Variants in TTC27 observed in about 807,000 individuals in gnomAD.
TTC27 encodes the protein tetratricopeptide repeat domain 27.
Under a neutral mutation model 115.9 loss-of-function variants are expected in TTC27, and 79 were observed. The ratio of observed to expected loss-of-function variants is 0.68; its 90% confidence interval spans 0.57 to 0.82. The LOEUF is 0.82. Among genes scored for constraint, TTC27 ranks in the 40% least tolerant of loss-of-function variants. The pLI is 0.00. For synonymous variants in TTC27, 401 were observed against 356.0 expected, an observed-to-expected ratio of 1.13 and a Z score of -1.42; for missense variants, 1,054 against 993.1, an observed-to-expected ratio of 1.06 and a Z score of -0.82.
chr2:32,717,817 A>G (rs1258219866), intron 10 of TTC27, among the ~76,000 whole-genome samples: 1 of 151,660 alleles, frequency 6.6e-6, no homozygotes, highest in East Asian at 1.9e-4. Flanking sequence ...ATTTTTTAGA[A>G]TTTTCTCTTT....
At chr2:32,796,263 C>T (rs1670699346) in intron 16 of TTC27, among the ~76,000 whole-genome samples, 1 of 151,880 alleles carries the variant, frequency 6.6e-6, no homozygotes, top group African/African-American at 2.4e-5. Context: ...AATCTTGGAC[C>T]ACAAAAACTA....
chr2:32,641,938 C>G (rs949067930), intron 4 of TTC27, among the ~76,000 whole-genome samples: 1 of 152,232 alleles, frequency 6.6e-6, no homozygotes, highest in Non-Finnish European at 1.5e-5. Context: ...TCACTGCAAG[C>G]TCCACCTCCT....
intron 13 of TTC27, among the ~76,000 whole-genome samples, chr2:32,767,371 T>C (rs1669664899): frequency 6.6e-6 from 1 of 151,992 alleles, no homozygotes; most frequent in Non-Finnish European, 1.5e-5. Context: ...ATATATTTTG[T>C]CTTGTTAAAA....
At chr2:32,798,704 C>CAAAAAAAAA (rs1168987401) in intron 16 of TTC27, among the ~76,000 whole-genome samples, 14 of 121,172 alleles carry the variant, frequency 1.2e-4, no homozygotes, top group African/African-American at 3.5e-4. Context: ...GACTCCAGCT[C>CAAAAAAAAA]AAAAAAAAAA....
At chr2:32,761,704 A>G (rs1226487738) in intron 13 of TTC27, among the ~76,000 whole-genome samples, 1 of 152,142 alleles carries the variant, frequency 6.6e-6, no homozygotes, top group Non-Finnish European at 1.5e-5. Context: ...GGGGCCTTCC[A>G]TGATCATTCT....
At chr2:32,813,374 G>C (rs1452970508) in intron 18 of TTC27, among the ~76,000 whole-genome samples, 1 of 152,154 alleles carries the variant, frequency 6.6e-6, no homozygotes, top group Admixed American at 6.5e-5. Context: ...AGCAAACAAG[G>C]AAGAATGCAA....
intron 4 of TTC27, among the ~76,000 whole-genome samples, chr2:32,644,575 G>A (rs1427173232): frequency 6.6e-6 from 1 of 151,852 alleles, no homozygotes; most frequent in African/African-American, 2.4e-5. Flanking sequence ...ATTTTGTGCT[G>A]AAATTTTGCC....
intron 14 of TTC27, among the ~76,000 whole-genome samples, chr2:32,781,428 A>AT (rs201352114): frequency 0.039 from 5,989 of 151,898 alleles, 283 homozygotes; most frequent in African/African-American, 0.11. Flanking sequence ...CATGTCCGCC[A>AT]TTTTTTAAAA....
chr2:32,695,253 C>T (rs961766806), intron 9 of TTC27, among the ~76,000 whole-genome samples: 4 of 152,010 alleles, frequency 2.6e-5, no homozygotes, highest in African/African-American at 4.8e-5. Flanking sequence ...AGTTTGACTA[C>T]TCTAGGTACC....
chr2:32,767,579 A>G (rs1028896980), intron 13 of TTC27, among the ~76,000 whole-genome samples: 2 of 149,168 alleles, frequency 1.3e-5, no homozygotes, highest in African/African-American at 5.0e-5. Context: ...CTCCTGCCTC[A>G]GCCTCCCGAG....
intron 13 of TTC27, among the ~76,000 whole-genome samples, chr2:32,760,935 C>A (rs1368629166): frequency 6.6e-6 from 1 of 152,188 alleles, no homozygotes; most frequent in African/African-American, 2.4e-5. Flanking sequence ...AGGCTTAGTC[C>A]TTGGACCTTG....
intron 5 of TTC27, among the ~76,000 whole-genome samples, chr2:32,653,607 C>CAA (rs548978296): frequency 2.2e-5 from 3 of 135,322 alleles, no homozygotes; most frequent in Admixed American, 1.5e-4. Flanking sequence ...AAAAAAAAAA[C>CAA]AAAAAAAAAA....
At chr2:32,785,582 A>G (rs1463772933) in intron 15 of TTC27, among the ~76,000 whole-genome samples, 1 of 151,758 alleles carries the variant, frequency 6.6e-6, no homozygotes, top group East Asian at 1.9e-4. Context: ...TTTGTTAGCT[A>G]TTGAGGGTTT....
chr2:32,651,103 A>G (rs1665106989), intron 5 of TTC27, among the ~76,000 whole-genome samples: 1 of 152,202 alleles, frequency 6.6e-6, no homozygotes, highest in Non-Finnish European at 1.5e-5. Context: ...TTTGAGTTAC[A>G]GAGACGGGAT....
chr2:32,717,169 C>A (rs1667781148), intron 10 of TTC27, among the ~76,000 whole-genome samples: 1 of 152,036 alleles, frequency 6.6e-6, no homozygotes, highest in Middle Eastern at 3.4e-3. Flanking sequence ...AGACAGGGTC[C>A]TACTACATTG....
intron 5 of TTC27, among the ~76,000 whole-genome samples, chr2:32,651,729 C>T (rs189143641): frequency 2.7e-3 from 418 of 152,228 alleles, no homozygotes; most frequent in African/African-American, 8.4e-3. Context: ...TATTCCTAAG[C>T]CAGGTGAGTG....
chr2:32,668,647 C>T (rs943219474), intron 7 of TTC27, among the ~76,000 whole-genome samples: 1 of 145,414 alleles, frequency 6.9e-6, no homozygotes, highest in African/African-American at 2.5e-5. Context: ...GTTTCAAACT[C>T]CTGGGCTCAA....
chr2:32,820,993 A>C lies in TTC27; in HGVS notation c.*55A>C. On this transcript the variant is annotated 3_prime_UTR_variant, in exon 20 of 20. Transcript: ENST00000317907. ...GCTTTCACCTGCTGGTAAAAGATAC[A>C]TCTGTATATCTGAAATGCAAGATAT... is the stretch of plus-strand genomic sequence containing the variant. 4 of 1,359,884 alleles carry C rather than the reference A, an allele frequency of 2.9e-6. 1 individual carries two copies. The Middle Eastern group carries it at 5.6e-4, about 192-fold the overall frequency. 84.2% of individuals were successfully genotyped at this position (1,359,884 alleles called of 1,614,324 possible).
At chr2:32,678,513 C>T (rs182177560) in intron 8 of TTC27, among the ~76,000 whole-genome samples, 198 of 151,900 alleles carry the variant, frequency 1.3e-3, no homozygotes, top group African/African-American at 4.1e-3. Flanking sequence ...CTGCAAGCTC[C>T]GCCTCCCGGG....
Sources: gnomAD v4.1 joint callset for allele counts (sites outside exome capture counted in the v4.1 genomes callset) on GRCh38, gnomAD v4.1.1 for gene constraint, MANE v1.5 for transcripts, NCBI Gene and HGNC (gene_info 2026-07-23, HGNC 2026-07-21) for gene names.